Variants in MTSS1 observed in about 807,000 individuals in gnomAD.
The protein encoded by MTSS1 is protein MTSS 1.
Under a neutral mutation model 79.0 loss-of-function variants are expected in MTSS1, and 18 were observed. The observed-to-expected ratio is 0.23, with a 90% confidence interval of 0.16 to 0.34. MTSS1 has a LOEUF of 0.34. MTSS1 is among the 10% of genes least tolerant of loss of function. MTSS1 has a pLI of 1.00. For missense variants in MTSS1, 815 were observed against 986.2 expected (o/e 0.83, Z 2.33); for synonymous variants, 341 against 368.6 (o/e 0.93, Z 0.86).
At position 124,698,844 on chromosome 8, in the gene MTSS1, G is replaced by A. The variant is rs1034350555; in HGVS notation, c.208+682C>T. Among the ~76,000 whole-genome samples the A allele has an allele frequency of 2.0e-5, 3 of 152,076 alleles. No homozygotes were observed. The South Asian group carries it at 6.2e-4, about 32-fold the overall frequency. Reference sequence around the variant, plus strand: ...ACCATAATGTTGCATTTCTAAAGACGGTCAGGCATACGGGGGTATTCATTT... The same window carrying A: ...ACCATAATGTTGCATTTCTAAAGACAGTCAGGCATACGGGGGTATTCATTT... On this transcript the variant is annotated intron_variant, in intron 3 of 13. Transcript: ENST00000518547.
At chr8:124,619,590 A>C (rs1813059005) in intron 3 of MTSS1, 1 of 152,336 alleles carries the variant, frequency 6.6e-6, no homozygotes, top group South Asian at 2.1e-4. Context: ...TCACTGTGAA[A>C]TTTGGGAGGG....
chr8:124,701,548 G>T (rs953085759), intron 2 of MTSS1, among the ~76,000 whole-genome samples: 2 of 152,184 alleles, frequency 1.3e-5, no homozygotes, highest in African/African-American at 4.8e-5. Context: ...AACTTCTTGG[G>T]ACTTATAAAT....
intron 1 of MTSS1, among the ~76,000 whole-genome samples, chr8:124,724,917 G>A (rs771405594): frequency 1.3e-5 from 2 of 152,246 alleles, no homozygotes; most frequent in East Asian, 1.9e-4. Context: ...CTCCAGCCAC[G>A]TGAATATCTT....
chr8:124,636,769 G>A (rs192351285), intron 3 of MTSS1, among the ~76,000 whole-genome samples: 21 of 152,272 alleles, frequency 1.4e-4, no homozygotes, highest in Middle Eastern at 6.8e-3. Flanking sequence ...TGCCCTTGAA[G>A]GGTAACCACT....
chr8:124,673,754 T>C (rs886085420), intron 3 of MTSS1, among the ~76,000 whole-genome samples: 1 of 152,226 alleles, frequency 6.6e-6, no homozygotes, highest in Non-Finnish European at 1.5e-5. Flanking sequence ...GAAAGCACTA[T>C]TTCTTTTTTT....
At chr8:124,659,912 A>G (rs1278567611) in intron 3 of MTSS1, among the ~76,000 whole-genome samples, 3 of 152,206 alleles carry the variant, frequency 2.0e-5, no homozygotes, top group African/African-American at 7.2e-5. Flanking sequence ...TGCACACAAA[A>G]TGGTAAGGAA....
chr8:124,663,628 G>A (rs1822504701), intron 3 of MTSS1, among the ~76,000 whole-genome samples: 1 of 152,006 alleles, frequency 6.6e-6, no homozygotes, highest in African/African-American at 2.4e-5. Flanking sequence ...CCCTGCATAT[G>A]TGGCTCCTTA....
intron 10 of MTSS1, chr8:124,558,825 G>A (rs1296339841): frequency 1.0e-5 from 16 of 1,560,704 alleles, no homozygotes; most frequent in Admixed American, 1.8e-5. Context: ...GGCCGAGCTG[G>A]ACGAGTTCTG....
intron 1 of MTSS1, among the ~76,000 whole-genome samples, chr8:124,716,891 G>GA (rs1048395659): frequency 6.6e-6 from 1 of 150,794 alleles, no homozygotes; most frequent in Non-Finnish European, 1.5e-5. Context: ...CAAAAGCCTT[G>GA]AAAAAAACAC....
chr8:124,707,420 CAAA>C (rs1262164354), intron 1 of MTSS1, among the ~76,000 whole-genome samples: 8 of 137,262 alleles, frequency 5.8e-5, no homozygotes, highest in South Asian at 2.3e-4. Context: ...AACAAACAAA[CAAA>C]AAAAAAACAC....
chr8:124,710,750 C>G (rs1398728117), intron 1 of MTSS1, among the ~76,000 whole-genome samples: 2 of 152,214 alleles, frequency 1.3e-5, no homozygotes, highest in Non-Finnish European at 2.9e-5. Context: ...AACTGCCTCT[C>G]CCAGCCCAGC....
chr8:124,608,556 T>C (rs1239320152), intron 3 of MTSS1, among the ~76,000 whole-genome samples: 4 of 152,246 alleles, frequency 2.6e-5, no homozygotes, highest in Non-Finnish European at 5.9e-5. Flanking sequence ...GCAGTGGGCC[T>C]GAGTGTTCCT....
At chr8:124,670,395 G>A (rs578030766) in intron 3 of MTSS1, among the ~76,000 whole-genome samples, 6 of 150,934 alleles carry the variant, frequency 4.0e-5, no homozygotes, top group South Asian at 2.1e-4. Context: ...ACAGCCTGGC[G>A]GCACCCCACA....
At chr8:124,625,805 C>T (rs1814551169) in intron 3 of MTSS1, among the ~76,000 whole-genome samples, 1 of 152,170 alleles carries the variant, frequency 6.6e-6, no homozygotes, top group Non-Finnish European at 1.5e-5. Flanking sequence ...CTGCAAGATA[C>T]GAAGGCCACA....
intron 3 of MTSS1, among the ~76,000 whole-genome samples, chr8:124,688,909 T>C (rs2382994): frequency 0.039 from 5,906 of 152,110 alleles, 156 homozygotes; most frequent in Non-Finnish European, 0.061. Flanking sequence ...AATGAAAATG[T>C]TGCACTAGAT....
At chr8:124,668,258 C>T (rs371488801) in intron 3 of MTSS1, among the ~76,000 whole-genome samples, 9 of 152,290 alleles carry the variant, frequency 5.9e-5, no homozygotes, top group Non-Finnish European at 1.0e-4. Flanking sequence ...ATCAGTTCCA[C>T]GTGCCCTGTC....
intron 11 of MTSS1, 28 bp from the exon 12 acceptor site, chr8:124,556,433 C>G: frequency 6.3e-7 from 1 of 1,581,118 alleles, no homozygotes; most frequent in Non-Finnish European, 8.6e-7. Flanking sequence ...GGTCAGGAGC[C>G]AGGGCCTCTG....
At chr8:124,561,008 C>T (rs996168361) in intron 10 of MTSS1, among the ~76,000 whole-genome samples, 2 of 152,162 alleles carry the variant, frequency 1.3e-5, no homozygotes, top group African/African-American at 4.8e-5. Flanking sequence ...GAGATTGTAC[C>T]CTCTGGCTAA....
chr8:124,557,191 C>A (rs1440074255), intron 11 of MTSS1, among the ~76,000 whole-genome samples: 2 of 152,156 alleles, frequency 1.3e-5, no homozygotes, highest in Non-Finnish European at 2.9e-5. Flanking sequence ...AACATGATCA[C>A]CCCAAACCTG....
Sources: allele counts gnomAD v4.1 joint callset (sites outside exome capture counted in the v4.1 genomes callset), GRCh38; gene constraint gnomAD v4.1.1; transcripts MANE v1.5; gene names NCBI Gene and HGNC (gene_info 2026-07-23, HGNC 2026-07-21).